Variants in ADAMTS12 observed in about 807,000 individuals in gnomAD.
ADAMTS12 encodes A disintegrin and metalloproteinase with thrombospondin motifs 12.
ADAMTS12 carries 118 observed loss-of-function variants against 167.8 expected under a neutral mutation model. The ratio of observed to expected loss-of-function variants is 0.70; its 90% confidence interval spans 0.61 to 0.82. ADAMTS12 has a LOEUF of 0.82. Among genes scored for constraint, ADAMTS12 ranks in the 40% least tolerant of loss-of-function variants. ADAMTS12 has a pLI of 0.00. For missense variants in ADAMTS12, 1,916 were observed against 1,998.8 expected (o/e 0.96, Z 0.79); for synonymous variants, 704 against 716.9 (o/e 0.98, Z 0.29).
At chr5:33,723,750 G>A (rs1743882782) in intron 3 of ADAMTS12, among the ~76,000 whole-genome samples, 1 of 152,154 alleles carries the variant, frequency 6.6e-6, no homozygotes, top group Non-Finnish European at 1.5e-5. Flanking sequence ...CCATTTCTCA[G>A]CACCCCTGTT....
chr5:33,762,280 G>A lies in ADAMTS12; in HGVS notation c.490-10732C>T, dbSNP rs576187270. 9.9e-5 allele frequency among the ~76,000 whole-genome samples: 15 copies of A among 152,208 alleles called. No homozygotes were observed. In the South Asian group the frequency reaches 1.0e-3, roughly 11 times the overall value. Reference sequence around the variant, plus strand: ...TCCCAGCACTTTGGGAGGCCGAGGCGGGTGGATCACGAGGTCAGGAGATCG... The same window carrying A: ...TCCCAGCACTTTGGGAGGCCGAGGCAGGTGGATCACGAGGTCAGGAGATCG... On this transcript the variant is annotated intron_variant, in intron 2 of 23. Transcript: ENST00000504830.
rs187973586 is a variant in ADAMTS12 at position 33,760,630 on chromosome 5, G to A, written c.490-9082C>T. Among the ~76,000 whole-genome samples the A allele has an allele frequency of 5.3e-5, 8 of 152,238 alleles. No individual in the cohort carries two copies. The East Asian group carries it at 1.2e-3, about 22-fold the overall frequency. On this transcript the variant is annotated intron_variant, in intron 2 of 23. Transcript: ENST00000504830. Reference sequence around the variant, plus strand: ...ACCATGCATTTCTGGATAAACCAACGAAATCCAGGAGCATCAACTAAGAGA... The same window carrying A: ...ACCATGCATTTCTGGATAAACCAACAAAATCCAGGAGCATCAACTAAGAGA...
chr5:33,723,776 A>G (rs763683157), intron 3 of ADAMTS12, among the ~76,000 whole-genome samples: 4 of 152,092 alleles, frequency 2.6e-5, no homozygotes, highest in Non-Finnish European at 5.9e-5. Context: ...ATTGGGGCCA[A>G]TGACCTGTGC....
intron 9 of ADAMTS12, 94 bp downstream of exon 9, chr5:33,648,728 G>C: frequency 2.8e-6 from 4 of 1,417,586 alleles, no homozygotes; most frequent in Non-Finnish European, 3.8e-6. Context: ...TTCTGTGTCT[G>C]GATGTTCAGT....
At chr5:33,635,627 G>A (rs1474432599) in intron 12 of ADAMTS12, among the ~76,000 whole-genome samples, 1 of 152,186 alleles carries the variant, frequency 6.6e-6, no homozygotes. Context: ...AAACTCTGCT[G>A]TATGTTTATT....
chr5:33,611,572 G>A (rs1738731271), intron 16 of ADAMTS12, among the ~76,000 whole-genome samples: 1 of 152,028 alleles, frequency 6.6e-6, no homozygotes, highest in South Asian at 2.1e-4. Flanking sequence ...ATATTATCTG[G>A]TAATTTGGTA....
intron 3 of ADAMTS12, among the ~76,000 whole-genome samples, chr5:33,717,581 CAT>C (rs1300024484): frequency 1.3e-5 from 2 of 152,094 alleles, no homozygotes; most frequent in Non-Finnish European, 1.5e-5. Flanking sequence ...ACCATGGCAC[CAT>C]ATGTCTCTTT....
intron 5 of ADAMTS12, among the ~76,000 whole-genome samples, chr5:33,672,341 TAC>T: frequency 6.9e-6 from 1 of 144,290 alleles, no homozygotes. Flanking sequence ...CACACATACA[TAC>T]ACACACATCC....
chr5:33,601,106 A>AGTGTGTGTGTGT (rs55841502), intron 16 of ADAMTS12, among the ~76,000 whole-genome samples: 398 of 145,916 alleles, frequency 2.7e-3, no homozygotes, highest in Non-Finnish European at 3.6e-3. Context: ...CACATTTAAG[A>AGTGTGTGTGTGT]GTGTGTGTGT....
At chr5:33,557,303 G>C (rs534981619) in intron 20 of ADAMTS12, among the ~76,000 whole-genome samples, 1 of 152,328 alleles carries the variant, frequency 6.6e-6, no homozygotes, top group African/African-American at 2.4e-5. Flanking sequence ...GAAAGTATCT[G>C]TGAAAAGGCA....
intron 3 of ADAMTS12, among the ~76,000 whole-genome samples, chr5:33,690,991 T>C (rs1742529524): frequency 6.6e-6 from 1 of 152,146 alleles, no homozygotes. Context: ...TAGACATCGA[T>C]TGAACTCTGC....
chr5:33,588,653 G>C lies in ADAMTS12; in HGVS notation c.2811C>G (p.Ser937=), dbSNP rs2112009353. The C allele has an allele frequency of 1.9e-6, 3 of 1,614,146 alleles. No homozygotes were observed. Among genetic ancestry groups the C allele is most frequent in the East Asian group, 2.2e-5 (1 of 44,872 alleles). ...QHLLKPKTLL[S]CNRDILCPSD... ...AGGGGCACAGGATGTCTCTGTTGCA[G>C]GAAAGGAGGGTCTTGGGCTTCAGCA... The change falls in exon 18 of 24, where the codon TCC becomes TCG. Residue 937 remains serine, a synonymous_variant. Coordinates refer to ENST00000504830, the MANE Select transcript of ADAMTS12 (RefSeq NM_030955.4).
chr5:33,588,911 G>A (rs1451254138), intron 17 of ADAMTS12, 102 bp from the exon 18 acceptor site: 1 of 1,413,578 alleles, frequency 7.1e-7, no homozygotes, highest in Admixed American at 2.1e-5. Flanking sequence ...CACAGGGCTG[G>A]AAGGGCCATG....
intron 3 of ADAMTS12, among the ~76,000 whole-genome samples, chr5:33,688,584 G>A (rs893100824): frequency 6.6e-6 from 1 of 152,204 alleles, no homozygotes; most frequent in Non-Finnish European, 1.5e-5. Context: ...CTCTGAGTCA[G>A]TGTCCACGGC....
intron 5 of ADAMTS12, among the ~76,000 whole-genome samples, chr5:33,667,612 A>C (rs980192178): frequency 2.0e-5 from 3 of 152,188 alleles, no homozygotes; most frequent in Non-Finnish European, 4.4e-5. Context: ...TAGAGCCCCA[A>C]CAATACCTAG....
In ADAMTS12 at chr5:33,610,572, C is replaced by T. The variant is rs543282201; in HGVS notation, c.2527+3666G>A. On this transcript the variant is annotated intron_variant, in intron 16 of 23. Transcript: ENST00000504830. ...CACCCTATGAGTTCACAGATTTACT[C>T]CTATGATATGGAGACTGTATGACCT... 1.2e-3 allele frequency among the ~76,000 whole-genome samples: 179 copies of T among 152,250 alleles called. 1 individual carries two copies. Among genetic ancestry groups the T allele is most frequent in the Admixed American group, 2.9e-3 (44 of 15,298 alleles).
intron 18 of ADAMTS12, among the ~76,000 whole-genome samples, chr5:33,578,819 T>G (rs766913616): frequency 6.4e-4 from 98 of 152,326 alleles, no homozygotes; most frequent in South Asian, 2.1e-3. Context: ...CACAGGAGAA[T>G]GTACAGCTGA....
chr5:33,887,902 G>A (rs368438628), intron 1 of ADAMTS12, among the ~76,000 whole-genome samples: 1 of 151,900 alleles, frequency 6.6e-6, no homozygotes, highest in Admixed American at 6.6e-5. Flanking sequence ...GCACCACCAC[G>A]CCCGGCTGAT....
chr5:33,668,616 G>A (rs978298848), intron 5 of ADAMTS12, among the ~76,000 whole-genome samples: 19 of 152,240 alleles, frequency 1.2e-4, no homozygotes, highest in African/African-American at 4.6e-4. Flanking sequence ...CTGAGTAGCT[G>A]GGACTATAAG....
Sources: allele counts gnomAD v4.1 joint callset (sites outside exome capture counted in the v4.1 genomes callset), GRCh38; gene constraint gnomAD v4.1.1; transcripts MANE v1.5; gene names NCBI Gene and HGNC (gene_info 2026-07-23, HGNC 2026-07-21).